Variants in PRMT3 observed in about 807,000 individuals in gnomAD.
The protein encoded by PRMT3 is protein arginine methyltransferase 3.
In PRMT3, 62 loss-of-function variants were observed where a neutral mutation model predicts 71.9. The ratio of observed to expected loss-of-function variants is 0.86; its 90% CI spans 0.70 to 1.07. PRMT3 has a LOEUF of 1.07. Among genes scored for constraint, PRMT3 ranks in the 50% least tolerant of loss-of-function variants. The probability of loss-of-function intolerance (pLI) is 0.00; values close to 1 mark genes in which losing one functional copy is unlikely to be tolerated. For missense variants in PRMT3, 663 were observed against 643.0 expected (o/e 1.03, Z -0.34); for synonymous variants, 213 against 220.4 (o/e 0.97, Z 0.30).
intron 15 of PRMT3, among the ~76,000 whole-genome samples, chr11:20,496,185 A>G (rs980138410): frequency 6.6e-6 from 1 of 152,194 alleles, no homozygotes; most frequent in African/African-American, 2.4e-5. Flanking sequence ...TCAGCAGAAG[A>G]TGGATAAATA....
At chr11:20,431,170 G>A (rs1046706353) in intron 10 of PRMT3, among the ~76,000 whole-genome samples, 3 of 152,170 alleles carry the variant, frequency 2.0e-5, no homozygotes, top group Admixed American at 1.3e-4. Context: ...GTAAGAGAAC[G>A]TTCCCAAACA....
intron 12 of PRMT3, among the ~76,000 whole-genome samples, chr11:20,464,230 G>T (rs1461959816): frequency 6.6e-6 from 1 of 152,078 alleles, no homozygotes; most frequent in Non-Finnish European, 1.5e-5. Flanking sequence ...AGGAGCCTAA[G>T]TTAAATGAAT....
intron 6 of PRMT3, among the ~76,000 whole-genome samples, chr11:20,396,470 C>A (rs2133303294): frequency 6.6e-6 from 1 of 152,174 alleles, no homozygotes; most frequent in East Asian, 1.9e-4. Context: ...AACCCTGTCT[C>A]TACTAAAAAT....
intron 10 of PRMT3, among the ~76,000 whole-genome samples, chr11:20,432,400 T>A (rs1389255461): frequency 6.6e-6 from 1 of 152,136 alleles, no homozygotes; most frequent in Non-Finnish European, 1.5e-5. Context: ...TAAATACAAA[T>A]TGTCTCCTAT....
intron 10 of PRMT3, 83 bp from the exon 11 acceptor site, chr11:20,452,047 A>C: frequency 1.1e-6 from 1 of 914,722 alleles, no homozygotes; most frequent in Non-Finnish European, 1.6e-6. Context: ...TGTAATTAAA[A>C]GAGTAGCACC....
chr11:20,470,163 A>G (rs897775268), intron 13 of PRMT3, among the ~76,000 whole-genome samples: 1 of 152,208 alleles, frequency 6.6e-6, no homozygotes, highest in East Asian at 1.9e-4. Flanking sequence ...TGTATTTACA[A>G]CTATAGGCAA....
intron 10 of PRMT3, among the ~76,000 whole-genome samples, chr11:20,441,159 G>A (rs190069957): frequency 2.8e-4 from 43 of 151,732 alleles, no homozygotes; most frequent in African/African-American, 9.6e-4. Context: ...TTTTATGGTC[G>A]TTTTATACTG....
At chr11:20,504,304 A>G (rs914095985) in intron 15 of PRMT3, among the ~76,000 whole-genome samples, 1 of 152,210 alleles carries the variant, frequency 6.6e-6, no homozygotes, top group African/African-American at 2.4e-5. Flanking sequence ...TTAATTGACC[A>G]TATGCATATA....
intron 9 of PRMT3, among the ~76,000 whole-genome samples, chr11:20,408,768 C>G (rs1849128149): frequency 6.6e-6 from 1 of 152,116 alleles, no homozygotes. Context: ...TTAAGTGATT[C>G]TTCAACTTAC....
At chr11:20,478,107 G>A (rs1372133966) in intron 13 of PRMT3, among the ~76,000 whole-genome samples, 1 of 152,130 alleles carries the variant, frequency 6.6e-6, no homozygotes, top group East Asian at 1.9e-4. Context: ...ATTCCCCTCT[G>A]GAGACAGTTA....
chr11:20,508,805 A>G lies in PRMT3; in HGVS notation c.*392A>G. The G allele has an allele frequency of 3.4e-6, 1 of 297,622 alleles. No individual in the cohort carries two copies. Among genetic ancestry groups the G allele is most frequent in the Non-Finnish European group, 6.8e-6 (1 of 147,472 alleles). 18.4% of individuals were successfully genotyped at this position (297,622 alleles called of 1,614,324 possible). A position where few individuals can be genotyped will look rare whatever the true frequency, so the allele number is the denominator to read the frequency against. The stretch of plus-strand genomic sequence containing the variant: ...AGTTATTTGGATATTTTATTAAACT[A>G]GTAACACAGGTACTACACATTTTAT... On this transcript the variant is annotated 3_prime_UTR_variant, in exon 16 of 16. Coordinates refer to ENST00000331079, the MANE Select transcript of PRMT3 (RefSeq NM_005788.4).
intron 15 of PRMT3, among the ~76,000 whole-genome samples, chr11:20,505,200 T>C (rs918087276): frequency 6.6e-6 from 1 of 152,206 alleles, no homozygotes; most frequent in Non-Finnish European, 1.5e-5. Flanking sequence ...TTTCTATGTA[T>C]AAAACCAGGT....
intron 2 of PRMT3, among the ~76,000 whole-genome samples, chr11:20,389,439 C>CT (rs1216658060): frequency 1.4e-5 from 2 of 141,734 alleles, no homozygotes; most frequent in Non-Finnish European, 3.0e-5. Context: ...GAAACAGACT[C>CT]TATCAAAGGG....
chr11:20,457,407 T>C (rs1204259051), intron 11 of PRMT3, among the ~76,000 whole-genome samples: 1 of 152,234 alleles, frequency 6.6e-6, no homozygotes, highest in Non-Finnish European at 1.5e-5. Flanking sequence ...GAATCTCTGC[T>C]GTGTCAGCTG....
At position 20,442,212 on chromosome 11, in the gene PRMT3, G is replaced by GT. The variant is rs565619561; in HGVS notation, c.994-9907dup. On this transcript the variant is annotated intron_variant, in intron 10 of 15. Coordinates refer to ENST00000331079, the MANE Select transcript of PRMT3 (RefSeq NM_005788.4). ...ATAAGAAATGTACAGTCAAAATATT[G>GT]TTTTTTTTTTTAAAGTCACTTGTAG... 4.4e-3 allele frequency among the ~76,000 whole-genome samples: 639 copies of GT among 145,358 alleles called. 3 individuals carry two copies. Among genetic ancestry groups the GT allele is most frequent in the Non-Finnish European group, 6.6e-3 (431 of 65,718 alleles).
rs1850464027 is a variant in PRMT3, at chr11:20,464,547, G to T, written c.1347+1G>T. The T allele has an allele frequency of 6.2e-7, 1 of 1,608,716 alleles. No homozygotes were observed. Among genetic ancestry groups the T allele is most frequent in the South Asian group, 1.1e-5 (1 of 89,808 alleles). Reference sequence around the variant, plus strand: ...AATCACAAGGACATCCATGTGCACGGTAAGCTATTTCATTCTGCTTTTACA... The same window carrying T: ...AATCACAAGGACATCCATGTGCACGTTAAGCTATTTCATTCTGCTTTTACA... On this transcript the variant is annotated splice_donor_variant, in intron 13 of 15. Coordinates refer to ENST00000331079, the MANE Select transcript of PRMT3 (RefSeq NM_005788.4). LOFTEE classifies it high-confidence loss of function.
At chr11:20,491,964 G>A (rs555846965) in intron 13 of PRMT3, among the ~76,000 whole-genome samples, 78 of 152,232 alleles carry the variant, frequency 5.1e-4, no homozygotes, top group African/African-American at 1.7e-3. Flanking sequence ...AAAGTATACT[G>A]ACTATGTAAT....
At position 20,403,003 on chromosome 11, in the gene PRMT3, A is replaced by G. The variant is rs1234027573; in HGVS notation, c.771+19A>G. 1.3e-6 allele frequency: 2 copies of G among 1,515,224 alleles called. No homozygotes were observed. The highest frequency in any genetic ancestry group is 1.8e-6 in the Non-Finnish European group (2 of 1,091,726). The allele number at this position is 1,515,224 out of a possible 1,614,324, so 93.9% of individuals were successfully genotyped here. On this transcript the variant is annotated intron_variant, in intron 8 of 15. Coordinates refer to ENST00000331079, the MANE Select transcript of PRMT3 (RefSeq NM_005788.4). ...AGACAAGGTAAGTAGTATAGGTTATAGAATTATACATTTCATCTTGTTCTT... is the reference window on the plus strand; with the variant it reads ...AGACAAGGTAAGTAGTATAGGTTATGGAATTATACATTTCATCTTGTTCTT...
At chr11:20,458,002 C>T (rs1274250227) in intron 11 of PRMT3, among the ~76,000 whole-genome samples, 2 of 152,098 alleles carry the variant, frequency 1.3e-5, no homozygotes, top group African/African-American at 4.8e-5. Context: ...GGAAATGAGT[C>T]CAATTTCCAA....
Sources: allele counts gnomAD v4.1 joint callset (sites outside exome capture counted in the v4.1 genomes callset), GRCh38; gene constraint gnomAD v4.1.1; transcripts MANE v1.5; gene names NCBI Gene and HGNC (gene_info 2026-07-23, HGNC 2026-07-21).